POLR2D: variants seen among roughly 807,000 people sequenced by gnomAD.
POLR2D encodes DNA-directed RNA polymerase II subunit RPB4.
In POLR2D, 10 loss-of-function variants were observed where a neutral mutation model predicts 17.6. The observed-to-expected ratio is 0.57, with a 90% CI of 0.35 to 0.96. The LOEUF is 0.96. Among genes scored for constraint, POLR2D ranks in the 40% least tolerant of loss-of-function variants. The probability of loss-of-function intolerance (pLI) is 0.02; values close to 1 mark genes in which losing one functional copy is unlikely to be tolerated. For missense variants in POLR2D, 126 were observed against 176.4 expected (o/e 0.71, Z 1.62); for synonymous variants, 52 against 60.2 (o/e 0.86, Z 0.63).
At position 127,849,177 on chromosome 2, in the gene POLR2D, C is replaced by G. The variant is rs530266959; in HGVS notation, c.351-992G>C. Reference sequence around the variant, plus strand: ...CCCCTACTTCAGCCTCCCGAGTAGCCGGGACTACAGTCGCACACCACCACA... The same window carrying G: ...CCCCTACTTCAGCCTCCCGAGTAGCGGGGACTACAGTCGCACACCACCACA... On this transcript the variant is annotated intron_variant, in intron 3 of 3. Transcript: ENST00000272645. Among the ~76,000 whole-genome samples the G allele has an allele frequency of 5.9e-5, 9 of 151,574 alleles. No individual in the cohort carries two copies. The East Asian group carries it at 1.8e-3, about 29-fold the overall frequency.
At position 127,846,095 on chromosome 2, in the gene POLR2D, C is replaced by CA. The variant is rs1322118974; in HGVS notation, c.*2011dup. On this transcript the variant is annotated 3_prime_UTR_variant, in exon 4 of 4. Coordinates refer to ENST00000272645, the MANE Select transcript of POLR2D (RefSeq NM_004805.4). ...GGTGAAACCCTGTCTCTACTAAAAA[C>CA]ACAAAAAATTAGCCAGGCGTGGTGG... The CA allele has an allele frequency of 1.3e-5, 2 of 151,738 alleles. No homozygotes were observed. The highest frequency in any genetic ancestry group is 4.9e-5 in the African/African-American group (2 of 41,220). The allele number at this position is 151,738 out of a possible 1,614,324, so 9.4% of individuals were successfully genotyped here.
Position 127,852,535 on chromosome 2 carries a change from C to T in POLR2D, c.254+390G>A, listed in dbSNP as rs910685562. The stretch of plus-strand genomic sequence containing the variant: ...TGTGGATTACAGGTGTAAGCCACCA[C>T]ACCTGGCTGAAATTCTGGTCTTCTA... On this transcript the variant is annotated intron_variant, in intron 2 of 3. Transcript: ENST00000272645. The surrounding 1 kb of genome is among the most constrained non-coding windows in gnomAD (Gnocchi z 4.0). Among the ~76,000 whole-genome samples, 2 of 152,210 alleles carry T rather than the reference C, an allele frequency of 1.3e-5. No homozygotes were observed. The highest frequency in any genetic ancestry group is 2.9e-5 in the Non-Finnish European group (2 of 68,044).
Position 127,847,930 on chromosome 2 carries a change from C to T in POLR2D, c.*177G>A, listed in dbSNP as rs1266563563. ...AGGCTGCTCCAAGATTCCATGTCAC[C>T]TGGGCCTGTGAGTTATTTGAAACAG... On this transcript the variant is annotated 3_prime_UTR_variant, in exon 4 of 4. Transcript: ENST00000272645. The T allele has an allele frequency of 1.6e-6, 1 of 631,522 alleles. No individual in the cohort carries two copies. Among genetic ancestry groups the T allele is most frequent in the Non-Finnish European group, 2.9e-6 (1 of 349,008 alleles). 39.1% of individuals were successfully genotyped at this position (631,522 alleles called of 1,614,324 possible).
intron 1 of POLR2D, among the ~76,000 whole-genome samples, chr2:127,855,051 T>C (rs1309447719): frequency 6.7e-6 from 1 of 149,406 alleles, no homozygotes; most frequent in Non-Finnish European, 1.5e-5. Context: ...GTTACAAATC[T>C]GTTTGTTGGA....
rs58280789 is a variant in POLR2D, at chr2:127,855,001, C to CAAA, written c.74-1899_74-1897dup. ...GTGACAGTAACAAATGACATCAGGC[C>CAAA]AAAAAAAAAAAAAAAAAAAAGGGAA... On this transcript the variant is annotated intron_variant, in intron 1 of 3. Coordinates refer to ENST00000272645, the MANE Select transcript of POLR2D (RefSeq NM_004805.4). Among the ~76,000 whole-genome samples the CAAA allele has an allele frequency of 0.019, 1,338 of 70,704 alleles. 58 individuals are homozygous for CAAA. In the East Asian group the frequency reaches 0.23, roughly 12 times the overall value. The allele number at this position is 70,704 out of a possible 152,430, so 46.4% of individuals were successfully genotyped here. A position where few individuals can be genotyped will look rare whatever the true frequency, so the allele number is the denominator to read the frequency against.
chr2:127,845,373 CTTTTTTTTTTTTT>C lies in POLR2D; in HGVS notation c.*2721_*2733del, dbSNP rs397871322. 1 of 113,618 alleles carries C rather than the reference CTTTTTTTTTTTTT, an allele frequency of 8.8e-6. No individual in the cohort carries two copies. Among genetic ancestry groups the C allele is most frequent in the Non-Finnish European group, 1.7e-5 (1 of 59,062 alleles). 7.0% of individuals were successfully genotyped at this position (113,618 alleles called of 1,614,324 possible). A position where few individuals can be genotyped will look rare whatever the true frequency, so the allele number is the denominator to read the frequency against. ...CTGTAGATTTGGGTAAGCAATTTCA[CTTTTTTTTTTTTT>C]TTTTTTTTGAGACAGTTTCGCTCTT... On this transcript the variant is annotated 3_prime_UTR_variant, in exon 4 of 4. Coordinates refer to ENST00000272645, the MANE Select transcript of POLR2D (RefSeq NM_004805.4).
chr2:127,855,159 G>A (rs908290731), intron 1 of POLR2D, among the ~76,000 whole-genome samples: 2 of 152,068 alleles, frequency 1.3e-5, no homozygotes, highest in Non-Finnish European at 2.9e-5. Context: ...CACTTTGGGA[G>A]GCCAAGGCAG....
chr2:127,853,707 G>A (rs1185626054), intron 1 of POLR2D, among the ~76,000 whole-genome samples: 1 of 152,024 alleles, frequency 6.6e-6, no homozygotes, highest in Non-Finnish European at 1.5e-5. Context: ...GCAGGCACAC[G>A]CCACCACACC....
In POLR2D at chr2:127,848,059, G is replaced by C. The variant is rs371001164; in HGVS notation, c.*48C>G. 3.2e-3 allele frequency: 3,958 copies of C among 1,224,192 alleles called. 131 individuals are homozygous for C. In the South Asian group the frequency reaches 0.044, roughly 14 times the overall value. The allele number at this position is 1,224,192 out of a possible 1,614,324, so 75.8% of individuals were successfully genotyped here. A position where few individuals can be genotyped will look rare whatever the true frequency, so the allele number is the denominator to read the frequency against. ...CAGCCCCAGACAGTGGGAAGGTGGT[G>C]TTATGCCTGGGGATGTGGTTTCTCC... On this transcript the variant is annotated 3_prime_UTR_variant, in exon 4 of 4. Transcript: ENST00000272645.
chr2:127,852,383 C>T lies in POLR2D; in HGVS notation c.254+542G>A, dbSNP rs1690266241. On this transcript the variant is annotated intron_variant, in intron 2 of 3. Coordinates refer to ENST00000272645, the MANE Select transcript of POLR2D (RefSeq NM_004805.4). The surrounding 1 kb of genome is among the most constrained non-coding windows in gnomAD (Gnocchi z 4.0). Reference sequence around the variant, plus strand: ...TCAGCCTCCCAAGTAACTAGGACCACAGGTACCTGCCACCACACCTGGCTA... The same window carrying T: ...TCAGCCTCCCAAGTAACTAGGACCATAGGTACCTGCCACCACACCTGGCTA... Among the ~76,000 whole-genome samples the T allele has an allele frequency of 6.6e-6, 1 of 152,150 alleles. No individual in the cohort carries two copies. Among genetic ancestry groups the T allele is most frequent in the Non-Finnish European group, 1.5e-5 (1 of 68,034 alleles).
chr2:127,853,157 C>T lies in POLR2D; in HGVS notation c.74-52G>A, dbSNP rs984935950. ...CTGAAAATACTCCTTCAAAAGTTTG[C>T]TTCTAAATGTTCACTGTGCATTTGA... On this transcript the variant is annotated intron_variant, in intron 1 of 3. Coordinates refer to ENST00000272645, the MANE Select transcript of POLR2D (RefSeq NM_004805.4). The T allele has an allele frequency of 4.2e-6, 6 of 1,427,268 alleles. No homozygotes were observed. The African/African-American group carries it at 5.7e-5, about 14-fold the overall frequency. The allele number at this position is 1,427,268 out of a possible 1,614,324, so 88.4% of individuals were successfully genotyped here. A position where few individuals can be genotyped will look rare whatever the true frequency, so the allele number is the denominator to read the frequency against.
intron 3 of POLR2D, among the ~76,000 whole-genome samples, chr2:127,848,602 C>T (rs947266093): frequency 6.6e-6 from 1 of 152,120 alleles, no homozygotes; most frequent in Non-Finnish European, 1.5e-5. Flanking sequence ...CTGCAAGCTC[C>T]GCCTTCCGGA....
intron 2 of POLR2D, 59 bp from the exon 3 acceptor site, chr2:127,850,744 C>T (rs1690239354): frequency 3.5e-6 from 3 of 854,506 alleles, no homozygotes; most frequent in Admixed American, 2.3e-5. Context: ...CAACAAAAAT[C>T]AAAGAGTAAT....
At chr2:127,849,631 G>A (rs1238844273) in intron 3 of POLR2D, among the ~76,000 whole-genome samples, 1 of 149,982 alleles carries the variant, frequency 6.7e-6, no homozygotes, top group Non-Finnish European at 1.5e-5. Flanking sequence ...GATATTCCAT[G>A]TGGTTCTAGT....
intron 3 of POLR2D, among the ~76,000 whole-genome samples, chr2:127,850,267 C>T (rs1558981404): frequency 6.6e-6 from 1 of 151,612 alleles, no homozygotes; most frequent in African/African-American, 2.4e-5. Context: ...ATGGAGATAC[C>T]CCATCTCTAC....
intron 1 of POLR2D, among the ~76,000 whole-genome samples, chr2:127,854,789 C>T (rs2104726398): frequency 6.6e-6 from 1 of 152,236 alleles, no homozygotes; most frequent in African/African-American, 2.4e-5. Context: ...AGAACACCTT[C>T]TTTTTCAGTC....
chr2:127,851,248 A>T (rs1270350694), intron 2 of POLR2D, among the ~76,000 whole-genome samples: 1 of 151,936 alleles, frequency 6.6e-6, no homozygotes, highest in Non-Finnish European at 1.5e-5. Flanking sequence ...AACAAAACCA[A>T]AAAAACAAAA....
At chr2:127,855,394 CAAAAAAAAAA>C (rs747725989) in intron 1 of POLR2D, among the ~76,000 whole-genome samples, 41 of 51,274 alleles carry the variant, frequency 8.0e-4, no homozygotes, top group Non-Finnish European at 6.2e-4. Flanking sequence ...AACTCCGTCT[CAAAAAAAAAA>C]AAAAAAAAAA....
intron 1 of POLR2D, among the ~76,000 whole-genome samples, chr2:127,854,322 A>G (rs1558982588): frequency 6.6e-6 from 1 of 152,176 alleles, no homozygotes; most frequent in Non-Finnish European, 1.5e-5. Flanking sequence ...TGTTTATCTC[A>G]AAGTATTAGA....
Sources: allele counts gnomAD v4.1 joint callset (sites outside exome capture counted in the v4.1 genomes callset), GRCh38; gene constraint gnomAD v4.1.1; non-coding constraint Gnocchi (gnomAD v3.1); transcripts MANE v1.5; gene names NCBI Gene and HGNC (gene_info 2026-07-23, HGNC 2026-07-21).